MBOAT2: variants seen among roughly 807,000 people sequenced by gnomAD.
The protein encoded by MBOAT2 is membrane bound glycerophospholipid O-acyltransferase 2.
Under a neutral mutation model 63.4 loss-of-function variants are expected in MBOAT2, and 28 were observed. The ratio of observed to expected loss-of-function variants is 0.44; its 90% confidence interval spans 0.33 to 0.61. The LOEUF (loss-of-function observed/expected upper bound fraction) is 0.61. Ranked by LOEUF, MBOAT2 falls within the 20% of genes least tolerant of loss-of-function variation. The probability of loss-of-function intolerance (pLI) is 0.03; values close to 1 mark genes in which losing one functional copy is unlikely to be tolerated. For missense variants in MBOAT2, 470 were observed against 605.8 expected (o/e 0.78, Z 2.35); for synonymous variants, 211 against 215.6 (o/e 0.98, Z 0.19).
At chr2:8,902,648 G>A (rs1020057112) in intron 4 of MBOAT2, among the ~76,000 whole-genome samples, 35 of 152,076 alleles carry the variant, frequency 2.3e-4, no homozygotes, top group African/African-American at 8.0e-4. Flanking sequence ...AGACCTTTGC[G>A]GTGACTGTTA....
At chr2:8,903,419 C>T (rs879386650) in intron 4 of MBOAT2, among the ~76,000 whole-genome samples, 19 of 152,202 alleles carry the variant, frequency 1.2e-4, no homozygotes, top group South Asian at 2.1e-4. Context: ...GCCTCTGATA[C>T]GGTTCAGTTA....
intron 1 of MBOAT2, among the ~76,000 whole-genome samples, chr2:9,002,742 T>C (rs1672791906): frequency 6.6e-6 from 1 of 152,058 alleles, no homozygotes; most frequent in Admixed American, 6.5e-5. Flanking sequence ...TTCTCAGTAA[T>C]CGTTAGGCCC....
chr2:8,973,199 AT>A (rs1468981664), intron 1 of MBOAT2, among the ~76,000 whole-genome samples: 1 of 152,116 alleles, frequency 6.6e-6, no homozygotes, highest in Non-Finnish European at 1.5e-5. Context: ...ATAAAAAAGG[AT>A]GAGTTCATGT....
At chr2:8,968,651 T>G (rs1219322006) in intron 1 of MBOAT2, among the ~76,000 whole-genome samples, 5 of 152,162 alleles carry the variant, frequency 3.3e-5, no homozygotes, top group Non-Finnish European at 7.4e-5. Flanking sequence ...GACGAATGGC[T>G]AACTAGAATA....
At chr2:8,926,904 A>G (rs368223874) in intron 3 of MBOAT2, among the ~76,000 whole-genome samples, 4 of 152,194 alleles carry the variant, frequency 2.6e-5, no homozygotes, top group African/African-American at 9.7e-5. Context: ...CCACCCACTT[A>G]GTGCTTACTA....
chr2:8,963,297 A>G (rs577372125), intron 1 of MBOAT2, among the ~76,000 whole-genome samples: 2 of 151,998 alleles, frequency 1.3e-5, no homozygotes, highest in East Asian at 1.9e-4. Context: ...CGAAAGTCAC[A>G]AAAAGAAACT....
At chr2:8,979,298 C>T (rs1321499178) in intron 1 of MBOAT2, among the ~76,000 whole-genome samples, 2 of 152,154 alleles carry the variant, frequency 1.3e-5, no homozygotes, top group African/African-American at 2.4e-5. Context: ...TAATCACTTA[C>T]ATAATACACT....
At chr2:8,927,499 T>C (rs1265818791) in intron 3 of MBOAT2, among the ~76,000 whole-genome samples, 1 of 152,082 alleles carries the variant, frequency 6.6e-6, no homozygotes, top group East Asian at 1.9e-4. Context: ...AGGTAAGAAA[T>C]CATAACTGCA....
At chr2:8,940,367 C>T (rs1238625308) in intron 3 of MBOAT2, among the ~76,000 whole-genome samples, 2 of 152,136 alleles carry the variant, frequency 1.3e-5, no homozygotes, top group Non-Finnish European at 2.9e-5. Context: ...TCTTGGCTCA[C>T]TGCAACCTCC....
intron 3 of MBOAT2, among the ~76,000 whole-genome samples, chr2:8,931,854 G>A (rs1295217296): frequency 7.2e-5 from 11 of 152,014 alleles, no homozygotes; most frequent in Admixed American, 2.0e-4. Flanking sequence ...TCCTTTCCCC[G>A]TTGCTTGCTT....
chr2:8,976,870 T>G (rs139363930), intron 1 of MBOAT2, among the ~76,000 whole-genome samples: 32 of 152,290 alleles, frequency 2.1e-4, no homozygotes, highest in African/African-American at 7.2e-4. Context: ...GAATGAACTA[T>G]TGACACAGAC....
chr2:8,958,749 G>A (rs1669405163), intron 1 of MBOAT2, 107 bp from the exon 2 acceptor site: 6 of 1,160,502 alleles, frequency 5.2e-6, no homozygotes, highest in Admixed American at 3.3e-5. Flanking sequence ...CACAAAAATT[G>A]ACCTTCCAAG....
At chr2:8,976,713 G>A (rs187789192) in intron 1 of MBOAT2, among the ~76,000 whole-genome samples, 299 of 152,236 alleles carry the variant, frequency 2.0e-3, no homozygotes, top group Non-Finnish European at 3.4e-3. Flanking sequence ...ACATCGACAC[G>A]TTTAATCTCT....
chr2:8,947,173 C>A (rs1668476846), intron 2 of MBOAT2, among the ~76,000 whole-genome samples: 1 of 152,230 alleles, frequency 6.6e-6, no homozygotes, highest in Non-Finnish European at 1.5e-5. Context: ...AAGCTCAAAC[C>A]AGCCAAACAT....
chr2:8,978,756 C>G lies in MBOAT2; in HGVS notation c.76-20114G>C, dbSNP rs372398995. On this transcript the variant is annotated intron_variant, in intron 1 of 12. Transcript: ENST00000305997. ...ATGACGGGTTGACAGGTGCAGCAAA[C>G]TACCATGGCACACGTATACCTATGT... 1.9e-3 allele frequency among the ~76,000 whole-genome samples: 283 copies of G among 152,146 alleles called. 1 individual carries two copies. The highest frequency in any genetic ancestry group is 6.5e-3 in the African/African-American group (270 of 41,512).
At chr2:8,987,314 C>T (rs1270932678) in intron 1 of MBOAT2, among the ~76,000 whole-genome samples, 1 of 152,228 alleles carries the variant, frequency 6.6e-6, no homozygotes, top group Admixed American at 6.5e-5. Flanking sequence ...CTAACACTTA[C>T]ACCTTGCTCA....
intron 4 of MBOAT2, among the ~76,000 whole-genome samples, chr2:8,902,864 G>A (rs944738313): frequency 1.3e-5 from 2 of 152,218 alleles, no homozygotes; most frequent in African/African-American, 4.8e-5. Context: ...GGGGACACAA[G>A]TGGGTTGCTG....
At chr2:8,947,804 A>G (rs1012872509) in intron 2 of MBOAT2, among the ~76,000 whole-genome samples, 1 of 152,244 alleles carries the variant, frequency 6.6e-6, no homozygotes, top group African/African-American at 2.4e-5. Flanking sequence ...GAGCTCTGAC[A>G]GAGGTGGACA....
intron 2 of MBOAT2, among the ~76,000 whole-genome samples, chr2:8,946,085 T>C (rs910789639): frequency 6.6e-6 from 1 of 152,238 alleles, no homozygotes; most frequent in African/African-American, 2.4e-5. Context: ...TCACTCTGGA[T>C]GATGGTAATA....
Sources: gnomAD v4.1 joint callset for allele counts (sites outside exome capture counted in the v4.1 genomes callset) on GRCh38, gnomAD v4.1.1 for gene constraint, MANE v1.5 for transcripts, NCBI Gene and HGNC (gene_info 2026-07-23, HGNC 2026-07-21) for gene names.